Variants in ZNF354C observed in about 807,000 individuals in gnomAD.
The protein encoded by ZNF354C is KRAB-zinc finger protein synten.
ZNF354C carries 7 observed loss-of-function variants against 12.4 expected under a neutral mutation model. That is an observed-to-expected ratio of 0.56 (90% CI 0.32 to 1.06). The LOEUF (loss-of-function observed/expected upper bound fraction) is 1.06, where lower values mean the gene tolerates loss of function less well. Ranked by LOEUF, ZNF354C falls within the 50% of genes least tolerant of loss-of-function variation. The probability of loss-of-function intolerance (pLI) is 0.04; values close to 1 mark genes in which losing one functional copy is unlikely to be tolerated. For synonymous variants in ZNF354C, 202 were observed against 224.5 expected (o/e 0.90, Z 0.90); for missense variants, 609 against 658.0 (o/e 0.93, Z 0.81).
chr5:179,079,599 TG>T lies in ZNF354C; in HGVS notation c.1170del (p.Arg391GlufsTer7). 1 of 1,614,172 alleles carries T rather than the reference TG, an allele frequency of 6.2e-7. No homozygotes were observed. Among genetic ancestry groups the T allele is most frequent in the Non-Finnish European group, 8.5e-7 (1 of 1,180,024 alleles). On this transcript the variant is annotated frameshift_variant, in exon 5 of 5. Transcript: ENST00000315475. LOFTEE classifies it low-confidence loss of function (END_TRUNC). This position sits in a 1 kb window ranked among gnomAD's most constrained non-coding sequence, Gnocchi z 4.2. ...AACAACTGTATACATGCTTGGAATG[TG>T]GGAGAACCTTCACACGTATTGTAAC... ...GEQLYTCLEC[G>X]RTFTRIVTLI...
chr5:179,077,804 C>A (rs1049345475), intron 4 of ZNF354C, among the ~76,000 whole-genome samples: 9 of 147,790 alleles, frequency 6.1e-5, no homozygotes, highest in East Asian at 4.1e-4. Flanking sequence ...AATGTCCCCC[C>A]ACTCCTTTTT....
At chr5:179,076,930 C>A in intron 3 of ZNF354C, 141 bp from the exon 4 acceptor site, 1 of 729,152 alleles carries the variant, frequency 1.4e-6, no homozygotes, top group Non-Finnish European at 2.4e-6. Context: ...GCTCCAGTGC[C>A]CCTGCGAAGT....
chr5:179,076,311 C>T (rs1381617118), intron 2 of ZNF354C, 134 bp from the exon 3 acceptor site: 2 of 1,389,384 alleles, frequency 1.4e-6, no homozygotes, highest in Non-Finnish European at 2.0e-6. Context: ...TGGGTGGTTC[C>T]AAAAATTACG....
chr5:179,076,587 T>C lies in ZNF354C; in HGVS notation c.154+16T>C. On this transcript the variant is annotated intron_variant, in intron 3 of 4. Transcript: ENST00000315475. ...GTCTCACTGGGTAAGAATTTTTGCC[T>C]ATGACGAAGAATCTGTTATAGGAAC... 1 of 1,613,440 alleles carries C rather than the reference T, an allele frequency of 6.2e-7. No individual in the cohort carries two copies. Among genetic ancestry groups the C allele is most frequent in the Non-Finnish European group, 8.5e-7 (1 of 1,179,672 alleles).
At position 179,075,434 on chromosome 5, in the gene ZNF354C, TAAATA is replaced by T. The variant is rs60231214; in HGVS notation, c.28-991_28-987del. The stretch of plus-strand genomic sequence containing the variant: ...AGACTCCATCTCAAAAAAAAAATTA[TAAATA>T]AAATAAAATAAAATAAAATGGAATT... On this transcript the variant is annotated intron_variant, in intron 2 of 4. Transcript: ENST00000315475. 1.0e-2 allele frequency among the ~76,000 whole-genome samples: 1,508 copies of T among 151,166 alleles called. 24 individuals carry two copies. The highest frequency in any genetic ancestry group is 0.034 in the African/African-American group (1,415 of 41,130).
chr5:179,069,882 A>T (rs1762026462), intron 2 of ZNF354C, among the ~76,000 whole-genome samples: 1 of 152,184 alleles, frequency 6.6e-6, no homozygotes, highest in Non-Finnish European at 1.5e-5. Context: ...AAACAAACAA[A>T]AAAAACCAGA....
At chr5:179,076,615 C>T (rs1365051752) in intron 3 of ZNF354C, 44 bp downstream of exon 3, 1 of 1,604,852 alleles carries the variant, frequency 6.2e-7, no homozygotes, top group Admixed American at 1.7e-5. Context: ...ATAGGAACGC[C>T]TCACAGGTCC....
At chr5:179,067,280 A>G (rs1581116163) in intron 2 of ZNF354C, among the ~76,000 whole-genome samples, 1 of 152,184 alleles carries the variant, frequency 6.6e-6, no homozygotes, top group Non-Finnish European at 1.5e-5. Flanking sequence ...TATTGGATGG[A>G]GCATCTACCC....
chr5:179,073,842 A>G (rs1385239544), intron 2 of ZNF354C, among the ~76,000 whole-genome samples: 1 of 151,592 alleles, frequency 6.6e-6, no homozygotes, highest in Non-Finnish European at 1.5e-5. Context: ...TTTTTAGTAG[A>G]GATGGGGTTT....
In ZNF354C at chr5:179,079,852, G is replaced by C. The variant is rs768770151; in HGVS notation, c.1420G>C (p.Gly474Arg). 1 of 1,614,052 alleles carries C rather than the reference G, an allele frequency of 6.2e-7. No individual in the cohort carries two copies. The highest frequency in any genetic ancestry group is 1.1e-5 in the South Asian group (1 of 91,066). ...GEKPYQCNQC[G>R]KAFSQYSFLT... ...GAAACCGTATCAGTGTAATCAGTGT[G>C]GAAAGGCCTTCAGCCAGTATTCATT... is the stretch of plus-strand genomic sequence containing the variant. The change falls in exon 5 of 5, where the codon GGA (glycine) becomes CGA (arginine). Residue 474 changes from glycine to arginine, a missense_variant. Gly to Arg is a moderately radical substitution (Grantham distance 125). Coordinates refer to ENST00000315475, the MANE Select transcript of ZNF354C (RefSeq NM_014594.3). This position sits in a 1 kb window ranked among gnomAD's most constrained non-coding sequence, Gnocchi z 4.2.
intron 2 of ZNF354C, among the ~76,000 whole-genome samples, chr5:179,067,772 T>C (rs554453668): frequency 6.6e-6 from 1 of 152,084 alleles, no homozygotes; most frequent in East Asian, 1.9e-4. Flanking sequence ...CGCTTGAACC[T>C]GGGAGGCAGA....
Position 179,082,849 on chromosome 5 carries a change from C to T in ZNF354C, c.*2752C>T, listed in dbSNP as rs1268964721. Reference sequence around the variant, plus strand: ...CGAGGAGCTGCAACAGCCTTGGGGCCCTCACAGACTCGCCAAACATTCCAG... The same window carrying T: ...CGAGGAGCTGCAACAGCCTTGGGGCTCTCACAGACTCGCCAAACATTCCAG... On this transcript the variant is annotated 3_prime_UTR_variant, in exon 5 of 5. Transcript: ENST00000315475. The T allele has an allele frequency of 2.4e-6, 3 of 1,242,792 alleles. No homozygotes were observed. Among genetic ancestry groups the T allele is most frequent in the Non-Finnish European group, 3.6e-6 (3 of 843,314 alleles). The allele number at this position is 1,242,792 out of a possible 1,614,324, so 77.0% of individuals were successfully genotyped here. A position where few individuals can be genotyped will look rare whatever the true frequency, so the allele number is the denominator to read the frequency against.
chr5:179,060,450 T>G lies in ZNF354C; in HGVS notation c.-271T>G, dbSNP rs1761871417. The stretch of plus-strand genomic sequence containing the variant: ...TTCTCCTGGCTTGGGCCATCCAGGC[T>G]TGGCTAGGATTGCCGGCCTGGGGTT... On this transcript the variant is annotated 5_prime_UTR_variant, in exon 1 of 5. Transcript: ENST00000315475. The surrounding 1 kb of genome is among the most constrained non-coding windows in gnomAD (Gnocchi z 4.2). 6.6e-6 allele frequency: 1 copy of G among 152,338 alleles called. No homozygotes were observed. Among genetic ancestry groups the G allele is most frequent in the South Asian group, 2.1e-4 (1 of 4,830 alleles). The allele number at this position is 152,338 out of a possible 1,614,324, so 9.4% of individuals were successfully genotyped here.
Position 179,076,154 on chromosome 5 carries a change from C to T in ZNF354C, c.28-291C>T, listed in dbSNP as rs561592024. Among the ~76,000 whole-genome samples the T allele has an allele frequency of 2.6e-5, 4 of 152,320 alleles. No homozygotes were observed. The South Asian group carries it at 8.3e-4, about 32-fold the overall frequency. ...CCAGTCTCTGCTTCTGTCATCACAT[C>T]GCCTTCTCTTGAGAAAGATCCCAGG... On this transcript the variant is annotated intron_variant, in intron 2 of 4. Coordinates refer to ENST00000315475, the MANE Select transcript of ZNF354C (RefSeq NM_014594.3).
chr5:179,078,098 G>C (rs990547987), intron 4 of ZNF354C, among the ~76,000 whole-genome samples: 2 of 152,070 alleles, frequency 1.3e-5, no homozygotes, highest in Non-Finnish European at 2.9e-5. Context: ...ACCGCGCCCG[G>C]CCTGTCTTCT....
chr5:179,073,501 A>T (rs1168411833), intron 2 of ZNF354C, among the ~76,000 whole-genome samples: 1 of 152,198 alleles, frequency 6.6e-6, no homozygotes, highest in African/African-American at 2.4e-5. Context: ...AATACAAATA[A>T]CCACCATGAA....
intron 2 of ZNF354C, among the ~76,000 whole-genome samples, chr5:179,066,996 TC>T (rs1427676399): frequency 6.6e-6 from 1 of 152,206 alleles, no homozygotes; most frequent in East Asian, 1.9e-4. Context: ...TTTTAAATGA[TC>T]AAGTAGAATT....
At chr5:179,076,955 G>A (rs768794786) in intron 3 of ZNF354C, 116 bp from the exon 4 acceptor site, 10 of 872,600 alleles carry the variant, frequency 1.1e-5, no homozygotes, top group Non-Finnish European at 1.9e-5. Flanking sequence ...GTGCTGCCTT[G>A]TCTGCCTCTC....
At chr5:179,075,118 G>A (rs751938963) in intron 2 of ZNF354C, among the ~76,000 whole-genome samples, 1 of 152,084 alleles carries the variant, frequency 6.6e-6, no homozygotes, top group Non-Finnish European at 1.5e-5. Flanking sequence ...AATTAGCCGG[G>A]TGTGGTGGTG....
Sources: allele counts gnomAD v4.1 joint callset (sites outside exome capture counted in the v4.1 genomes callset), GRCh38; gene constraint gnomAD v4.1.1; non-coding constraint Gnocchi (gnomAD v3.1); transcripts MANE v1.5; gene names NCBI Gene and HGNC (gene_info 2026-07-23, HGNC 2026-07-21).